Variants in FBLN5 observed in about 807,000 individuals in gnomAD.
FBLN5 encodes the protein fibulin 5.
FBLN5 carries 24 observed loss-of-function variants against 61.6 expected under a neutral mutation model. The ratio of observed to expected loss-of-function variants is 0.39; its 90% CI spans 0.28 to 0.55. FBLN5 has a LOEUF of 0.55. Ranked by LOEUF, FBLN5 falls within the 20% of genes least tolerant of loss-of-function variation. The pLI, the probability that FBLN5 is intolerant of heterozygous loss-of-function variation, is 0.65. For synonymous variants in FBLN5, 213 were observed against 219.8 expected, an observed-to-expected ratio of 0.97 and a Z score of 0.27; for missense variants, 470 against 594.1, an observed-to-expected ratio of 0.79 and a Z score of 2.17.
chr14:91,936,115 GGAC>G (rs1244289795), intron 4 of FBLN5, among the ~76,000 whole-genome samples: 2 of 152,078 alleles, frequency 1.3e-5, no homozygotes, highest in Admixed American at 6.5e-5. Flanking sequence ...CCCTGAAATG[GGAC>G]AACAAAATCT....
At chr14:91,922,041 T>C (rs2140024791) in intron 4 of FBLN5, among the ~76,000 whole-genome samples, 1 of 152,260 alleles carries the variant, frequency 6.6e-6, no homozygotes, top group Non-Finnish European at 1.5e-5. Context: ...CGGTGGCCTG[T>C]AGTCCCAGCA....
intron 4 of FBLN5, among the ~76,000 whole-genome samples, chr14:91,897,672 G>T (rs1325244766): frequency 6.6e-6 from 1 of 152,212 alleles, no homozygotes; most frequent in East Asian, 1.9e-4. Context: ...CCCATCGTGG[G>T]CATGTGTGCG....
At chr14:91,914,763 A>C (rs1891115622) in intron 4 of FBLN5, among the ~76,000 whole-genome samples, 1 of 152,016 alleles carries the variant, frequency 6.6e-6, no homozygotes, top group African/African-American at 2.4e-5. Context: ...AAAGCAAAAT[A>C]TTTCTTTTTG....
At position 91,869,746 on chromosome 14, in the gene FBLN5, A is replaced by C. The variant is rs1385995173; in HGVS notation, c.*478T>G. The C allele has an allele frequency of 4.8e-6, 1 of 206,386 alleles. No homozygotes were observed. Among genetic ancestry groups the C allele is most frequent in the African/African-American group, 2.3e-5 (1 of 43,480 alleles). The allele number at this position is 206,386 out of a possible 1,614,324, so 12.8% of individuals were successfully genotyped here. On this transcript the variant is annotated 3_prime_UTR_variant, in exon 11 of 11. Coordinates refer to ENST00000342058, the MANE Select transcript of FBLN5 (RefSeq NM_006329.4). The stretch of plus-strand genomic sequence containing the variant: ...TTCGATCCTGCTGTGGTTTGTTTAC[A>C]TAGCCTTCTCTGTGTACGCAAAAAG...
At chr14:91,890,124 G>T (rs918194337) in intron 6 of FBLN5, among the ~76,000 whole-genome samples, 1 of 152,204 alleles carries the variant, frequency 6.6e-6, no homozygotes, top group Non-Finnish European at 1.5e-5. Context: ...AGAAGAAAAT[G>T]ACCTCTTTTG....
intron 4 of FBLN5, among the ~76,000 whole-genome samples, chr14:91,901,022 A>T (rs1379739272): frequency 1.3e-5 from 2 of 152,142 alleles, no homozygotes; most frequent in Non-Finnish European, 1.5e-5. Flanking sequence ...TCTGGACAAG[A>T]GGTAAGGAAA....
At chr14:91,898,793 ATTC>A (rs1308927640) in intron 4 of FBLN5, among the ~76,000 whole-genome samples, 4 of 121,796 alleles carry the variant, frequency 3.3e-5, no homozygotes, top group African/African-American at 1.3e-4. Flanking sequence ...TCATTCATTC[ATTC>A]TTTTTTTTTT....
chr14:91,945,014 C>G (rs1423869106), intron 1 of FBLN5, among the ~76,000 whole-genome samples: 1 of 152,034 alleles, frequency 6.6e-6, no homozygotes, highest in East Asian at 1.9e-4. Context: ...GTGGATCACC[C>G]GAGGTCAGGA....
Position 91,877,877 on chromosome 14 carries a change from ATGGACTTTTCTCACC to A in FBLN5, c.990-210_990-196del. The A allele has an allele frequency of 4.5e-6, 3 of 665,004 alleles. No homozygotes were observed. In the South Asian group the frequency reaches 4.6e-5, roughly 10 times the overall value. 41.2% of individuals were successfully genotyped at this position (665,004 alleles called of 1,614,324 possible). On this transcript the variant is annotated intron_variant, in intron 9 of 10. Coordinates refer to ENST00000342058, the MANE Select transcript of FBLN5 (RefSeq NM_006329.4). ...GTAGGCGAGCTCTGTTTCCTAGAGA[ATGGACTTTTCTCACC>A]AACCAGATGTTCTGGCTACTAAATA...
In FBLN5 at chr14:91,943,381, C is replaced by T. The variant is rs1012461044; in HGVS notation, c.18-420G>A. Among the ~76,000 whole-genome samples the T allele has an allele frequency of 6.6e-5, 10 of 151,930 alleles. No homozygotes were observed. Among genetic ancestry groups the T allele is most frequent in the African/African-American group, 1.7e-4 (7 of 41,340 alleles). On this transcript the variant is annotated intron_variant, in intron 1 of 10. Coordinates refer to ENST00000342058, the MANE Select transcript of FBLN5 (RefSeq NM_006329.4). The surrounding 1 kb of genome is among the most constrained non-coding windows in gnomAD (Gnocchi z 4.0). ...AAAAAATTAACTGGGCATGATAGCACGCGCCTAAAGTCCCAGCTACTCAGG... is the reference window on the plus strand; with the variant it reads ...AAAAAATTAACTGGGCATGATAGCATGCGCCTAAAGTCCCAGCTACTCAGG...
intron 3 of FBLN5, among the ~76,000 whole-genome samples, chr14:91,939,111 T>C (rs1203766456): frequency 7.2e-5 from 11 of 152,196 alleles, no homozygotes; most frequent in Non-Finnish European, 5.9e-5. Context: ...ATGATTTTGC[T>C]TAAATTAAAT....
intron 4 of FBLN5, among the ~76,000 whole-genome samples, chr14:91,934,624 C>T (rs900141803): frequency 9.9e-5 from 15 of 152,216 alleles, no homozygotes; most frequent in Non-Finnish European, 2.1e-4. Context: ...AGAAATGTTT[C>T]CCAAGTCTCC....
intron 4 of FBLN5, among the ~76,000 whole-genome samples, chr14:91,916,163 T>C (rs1342476413): frequency 6.6e-6 from 1 of 152,048 alleles, no homozygotes; most frequent in Non-Finnish European, 1.5e-5. Context: ...AGAATTCAGG[T>C]GGCCAGGCAC....
At chr14:91,890,282 T>A (rs1889930670) in intron 6 of FBLN5, among the ~76,000 whole-genome samples, 1 of 152,164 alleles carries the variant, frequency 6.6e-6, no homozygotes, top group African/African-American at 2.4e-5. Context: ...AAAGGAGACC[T>A]AATAGCCTCC....
chr14:91,915,702 A>G (rs548971084), intron 4 of FBLN5, among the ~76,000 whole-genome samples: 1 of 150,840 alleles, frequency 6.6e-6, no homozygotes, highest in African/African-American at 2.4e-5. Flanking sequence ...AAAAAAAAAA[A>G]AAAAAAAAAG....
rs181509665 is a variant in FBLN5, at chr14:91,898,721, T to C, written c.380-3649A>G. Among the ~76,000 whole-genome samples the C allele has an allele frequency of 3.2e-3, 484 of 150,394 alleles. 2 individuals are homozygous for C. The highest frequency in any genetic ancestry group is 6.3e-3 in the Admixed American group (94 of 15,040). ...TTTCCTGTGCAGTAGTCAGGAAGAG[T>C]CCCCTAAGAGAAAAGAATGCTGGGT... On this transcript the variant is annotated intron_variant, in intron 4 of 10. Coordinates refer to ENST00000342058, the MANE Select transcript of FBLN5 (RefSeq NM_006329.4).
At chr14:91,900,815 G>A (rs1250752131) in intron 4 of FBLN5, among the ~76,000 whole-genome samples, 4 of 152,304 alleles carry the variant, frequency 2.6e-5, no homozygotes, top group Admixed American at 6.5e-5. Context: ...TCCCCGGGGA[G>A]GTGCTGTTTC....
intron 4 of FBLN5, among the ~76,000 whole-genome samples, chr14:91,933,058 T>G (rs897600383): frequency 3.3e-5 from 5 of 152,190 alleles, no homozygotes; most frequent in African/African-American, 1.2e-4. Context: ...CTAATGTTAG[T>G]GAAATGTTTT....
chr14:91,906,985 G>A lies in FBLN5; in HGVS notation c.380-11913C>T, dbSNP rs1890711442. 2.6e-5 allele frequency among the ~76,000 whole-genome samples: 4 copies of A among 152,244 alleles called. No individual in the cohort carries two copies. In the South Asian group the frequency reaches 8.3e-4, roughly 32 times the overall value. On this transcript the variant is annotated intron_variant, in intron 4 of 10. Coordinates refer to ENST00000342058, the MANE Select transcript of FBLN5 (RefSeq NM_006329.4). ...AGGATGGTGAATGTCATGCTGGAGA[G>A]AAGAATGGGGGCACTCCCAGGTGAA... is the stretch of plus-strand genomic sequence containing the variant.
Sources: allele counts gnomAD v4.1 joint callset (sites outside exome capture counted in the v4.1 genomes callset), GRCh38; gene constraint gnomAD v4.1.1; non-coding constraint Gnocchi (gnomAD v3.1); transcripts MANE v1.5; gene names NCBI Gene and HGNC (gene_info 2026-07-23, HGNC 2026-07-21).